Variants in PCDHA10 observed in about 807,000 individuals in gnomAD.
PCDHA10 encodes the protein protocadherin alpha 10.
In PCDHA10, 45 loss-of-function variants were observed where a neutral mutation model predicts 61.2. The observed-to-expected ratio is 0.74, with a 90% confidence interval of 0.58 to 0.94. The LOEUF (loss-of-function observed/expected upper bound fraction) is 0.94, where lower values mean the gene tolerates loss of function less well. Among genes scored for constraint, PCDHA10 ranks in the 40% least tolerant of loss-of-function variants. The pLI, the probability that PCDHA10 is intolerant of heterozygous loss-of-function variation, is 0.00. For synonymous variants in PCDHA10, 602 were observed against 548.8 expected, an observed-to-expected ratio of 1.10 and a Z score of -1.35; for missense variants, 1,278 against 1,236.2, an observed-to-expected ratio of 1.03 and a Z score of -0.51.
intron 1 of PCDHA10, among the ~76,000 whole-genome samples, chr5:140,958,001 T>C (rs1257234939): frequency 6.6e-6 from 1 of 152,144 alleles, no homozygotes; most frequent in Non-Finnish European, 1.5e-5. Flanking sequence ...ATTTTTTGTT[T>C]CAATTCTATC....
intron 1 of PCDHA10, among the ~76,000 whole-genome samples, chr5:140,924,889 T>C (rs1554202242): frequency 8.9e-6 from 1 of 112,122 alleles, no homozygotes; most frequent in Non-Finnish European, 1.8e-5. Flanking sequence ...AGCAAGAACC[T>C]GTCTCAAAAA....
intron 1 of PCDHA10, among the ~76,000 whole-genome samples, chr5:140,892,084 C>G (rs1233800772): frequency 6.6e-6 from 1 of 151,992 alleles, no homozygotes; most frequent in African/African-American, 2.4e-5. Flanking sequence ...TTCTAGTTTC[C>G]TCTCGAAACT....
chr5:141,000,616 C>A (rs1227863226), intron 3 of PCDHA10, among the ~76,000 whole-genome samples: 1 of 150,774 alleles, frequency 6.6e-6, no homozygotes, highest in African/African-American at 2.4e-5. Context: ...TTAGTAGAGA[C>A]AGGGTTTCAC....
At chr5:140,981,001 C>A (rs2096914160) in intron 2 of PCDHA10, among the ~76,000 whole-genome samples, 1 of 151,906 alleles carries the variant, frequency 6.6e-6, no homozygotes, top group Non-Finnish European at 1.5e-5. Flanking sequence ...CTAGTAGGAT[C>A]CAGGAACACT....
chr5:140,875,313 C>T, intron 1 of PCDHA10: 3 of 1,425,730 alleles, frequency 2.1e-6, no homozygotes, highest in Non-Finnish European at 9.1e-7. Flanking sequence ...CACCCACATT[C>T]CAATCATTCA....
intron 1 of PCDHA10, among the ~76,000 whole-genome samples, chr5:140,940,100 C>T (rs536415343): frequency 6.6e-6 from 1 of 152,094 alleles, no homozygotes; most frequent in South Asian, 2.1e-4. Flanking sequence ...AAACTTTTAG[C>T]GTTATGTATT....
intron 1 of PCDHA10, chr5:140,929,083 A>G (rs1554206659): frequency 1.2e-6 from 2 of 1,614,156 alleles, no homozygotes; most frequent in Admixed American, 3.3e-5. Context: ...TGGAAGTAAG[A>G]TGGTTTCAAA....
chr5:140,902,044 A>AT (rs1222362795), intron 1 of PCDHA10, among the ~76,000 whole-genome samples: 6 of 152,016 alleles, frequency 3.9e-5, no homozygotes, highest in Non-Finnish European at 5.9e-5. Flanking sequence ...TTGTATGTTG[A>AT]TTTTGTATCC....
intron 1 of PCDHA10, chr5:140,968,436 C>T (rs1479503016): frequency 3.1e-6 from 5 of 1,613,876 alleles, no homozygotes; most frequent in Non-Finnish European, 3.4e-6. Context: ...AAGGGGAGCC[C>T]ACCACTGAGC....
intron 1 of PCDHA10, among the ~76,000 whole-genome samples, chr5:140,885,181 T>A (rs561922365): frequency 6.6e-6 from 1 of 152,330 alleles, no homozygotes; most frequent in African/African-American, 2.4e-5. Flanking sequence ...TCTAGGCACA[T>A]CAGTGTTCCC....
intron 1 of PCDHA10, among the ~76,000 whole-genome samples, chr5:140,907,506 A>G (rs1418997042): frequency 2.6e-5 from 4 of 152,234 alleles, no homozygotes; most frequent in Non-Finnish European, 5.9e-5. Flanking sequence ...GTAAGTGTCT[A>G]TTCCAGTGAG....
intron 1 of PCDHA10, among the ~76,000 whole-genome samples, chr5:140,891,866 T>C (rs2063289213): frequency 6.6e-6 from 1 of 152,184 alleles, no homozygotes; most frequent in Non-Finnish European, 1.5e-5. Flanking sequence ...TCTCTTATGC[T>C]TTTGGCTCTG....
At chr5:140,868,898 T>C (rs2050724806) in intron 1 of PCDHA10, 1 of 800,434 alleles carries the variant, frequency 1.2e-6, no homozygotes, top group African/African-American at 1.7e-5. Flanking sequence ...GCGCAAGGTG[T>C]CGCTCTTTAC....
intron 3 of PCDHA10, among the ~76,000 whole-genome samples, chr5:140,998,568 A>AG (rs1167593072): frequency 3.1e-5 from 3 of 96,370 alleles, no homozygotes; most frequent in African/African-American, 1.3e-4. Context: ...ATTGTAAATA[A>AG]GTTTTTTTTT....
intron 1 of PCDHA10, chr5:140,875,494 G>A (rs1178647780): frequency 6.2e-7 from 1 of 1,613,020 alleles, no homozygotes; most frequent in Non-Finnish European, 8.5e-7. Context: ...CGGACCAAGA[G>A]GCCCGGGATC....
rs576230620 is a variant in PCDHA10 at position 140,948,680 on chromosome 5, T to C, written c.2389-30269T>C. 2.0e-5 allele frequency among the ~76,000 whole-genome samples: 3 copies of C among 151,762 alleles called. No homozygotes were observed. The South Asian group carries it at 6.2e-4, about 31-fold the overall frequency. On this transcript the variant is annotated intron_variant, in intron 1 of 3. Coordinates refer to ENST00000307360, the MANE Select transcript of PCDHA10 (RefSeq NM_018901.4). Reference sequence around the variant, plus strand: ...ATCTGTAGTGATAACATCTTTTTCATTTTTGATATTGGTGATTTGTGTTCT... The same window carrying C: ...ATCTGTAGTGATAACATCTTTTTCACTTTTGATATTGGTGATTTGTGTTCT...
chr5:140,895,867 A>C (rs1212053221), intron 1 of PCDHA10, among the ~76,000 whole-genome samples: 1 of 152,154 alleles, frequency 6.6e-6, no homozygotes, highest in Non-Finnish European at 1.5e-5. Context: ...GCTGGAGTGC[A>C]ATGGCGCGAT....
At chr5:140,896,000 AG>A (rs1239259521) in intron 1 of PCDHA10, among the ~76,000 whole-genome samples, 1 of 152,064 alleles carries the variant, frequency 6.6e-6, no homozygotes, top group Non-Finnish European at 1.5e-5. Flanking sequence ...AAGTAGAGAC[AG>A]GGTTTCTCCA....
In PCDHA10 at chr5:140,856,225, G is replaced by C. The variant is rs1554148421; in HGVS notation, c.177G>C (p.Val59=). The C allele has an allele frequency of 6.3e-7, 1 of 1,598,066 alleles. No homozygotes were observed. The highest frequency in any genetic ancestry group is 1.7e-5 in the Admixed American group (1 of 59,274). ...QDLGLELAEL[V]QRLFRVASKR... Reference sequence around the variant, plus strand: ...TGGGGCTGGAGCTGGCGGAGCTGGTGCAGCGCCTGTTCCGGGTGGCGTCCA... The same window carrying C: ...TGGGGCTGGAGCTGGCGGAGCTGGTCCAGCGCCTGTTCCGGGTGGCGTCCA... Residue 59 remains valine (V), a synonymous_variant, in exon 1 of 4, where the codon GTG becomes GTC. Transcript: ENST00000307360.
Sources: gnomAD v4.1 joint callset for allele counts (sites outside exome capture counted in the v4.1 genomes callset) on GRCh38, gnomAD v4.1.1 for gene constraint, MANE v1.5 for transcripts, NCBI Gene and HGNC (gene_info 2026-07-23, HGNC 2026-07-21) for gene names.